CACNA2D1: variants seen among roughly 807,000 people sequenced by gnomAD.
CACNA2D1 encodes the protein voltage-dependent calcium channel subunit alpha-2/delta-1.
In CACNA2D1, 53 loss-of-function variants were observed where a neutral mutation model predicts 171.5. That is an observed-to-expected ratio of 0.31 (90% CI 0.25 to 0.39). The LOEUF (loss-of-function observed/expected upper bound fraction) is 0.39, where lower values mean the gene tolerates loss of function less well. Among genes scored for constraint, CACNA2D1 ranks in the 10% least tolerant of loss-of-function variants. The pLI, the probability that CACNA2D1 is intolerant of heterozygous loss-of-function variation, is 1.00. For synonymous variants in CACNA2D1, 442 were observed against 443.1 expected, an observed-to-expected ratio of 1.00 and a Z score of 0.03; for missense variants, 903 against 1,299.8, an observed-to-expected ratio of 0.69 and a Z score of 4.69.
intron 3 of CACNA2D1, among the ~76,000 whole-genome samples, chr7:82,332,565 A>AGAAAGAAAGAACGAAC (rs1491481168): frequency 6.7e-4 from 73 of 109,318 alleles, no homozygotes; most frequent in Middle Eastern, 0.011. Context: ...AAAGAAAGAA[A>AGAAAGAAAGAACGAAC]GAACGAACAG....
Position 82,014,450 on chromosome 7 carries a change from T to C in CACNA2D1, c.1173A>G (p.Gln391=), listed in dbSNP as rs1335302864. The C allele has an allele frequency of 1.3e-6, 2 of 1,598,574 alleles. No individual in the cohort carries two copies. Among genetic ancestry groups the C allele is most frequent in the Non-Finnish European group, 1.7e-6 (2 of 1,165,804 alleles). Residue 391 remains glutamine, a synonymous_variant, in exon 13 of 39, where the codon CAA becomes CAG. Coordinates refer to ENST00000356860, the MANE Select transcript of CACNA2D1 (RefSeq NM_000722.4). ...KVRVFTFSVG[Q]HNYDRGPIQW... is the part of the protein sequence containing the mutation. ...GAATAGGTCCTCTGTCATAATTGTG[T>C]TGACCAACTGAAAACGTGAATACAC...
At chr7:82,178,976 T>C (rs939483475) in intron 3 of CACNA2D1, among the ~76,000 whole-genome samples, 1 of 152,114 alleles carries the variant, frequency 6.6e-6, no homozygotes, top group Non-Finnish European at 1.5e-5. Flanking sequence ...TGTATCAACA[T>C]CTATAACTAG....
At chr7:82,283,487 G>A (rs146106947) in intron 3 of CACNA2D1, among the ~76,000 whole-genome samples, 3,528 of 152,228 alleles carry the variant, frequency 0.023, 72 homozygotes, top group Middle Eastern at 0.082. Context: ...CATAAATGTT[G>A]ATAGAGTTCC....
intron 3 of CACNA2D1, among the ~76,000 whole-genome samples, chr7:82,282,708 G>A (rs1042130821): frequency 1.6e-4 from 24 of 149,726 alleles, no homozygotes; most frequent in Non-Finnish European, 3.0e-4. Context: ...AAAATGTGGG[G>A]GGGGGAATCA....
At chr7:82,417,097 T>C (rs560110037) in intron 1 of CACNA2D1, among the ~76,000 whole-genome samples, 15 of 152,240 alleles carry the variant, frequency 9.9e-5, no homozygotes, top group Admixed American at 3.3e-4. Flanking sequence ...TTGATAAATA[T>C]ATAGTTTCAC....
At chr7:82,248,933 C>T (rs995999402) in intron 3 of CACNA2D1, among the ~76,000 whole-genome samples, 19 of 151,884 alleles carry the variant, frequency 1.3e-4, no homozygotes, top group African/African-American at 4.1e-4. Flanking sequence ...CTGGCTAATA[C>T]GGTGAAACCC....
At chr7:81,975,325 A>T (rs1795727880) in intron 24 of CACNA2D1, among the ~76,000 whole-genome samples, 1 of 152,160 alleles carries the variant, frequency 6.6e-6, no homozygotes, top group Non-Finnish European at 1.5e-5. Context: ...TTTTAATAAA[A>T]TATTACCATT....
At chr7:82,170,453 T>A (rs1795894602) in intron 4 of CACNA2D1, 97 bp downstream of exon 4, 1 of 979,946 alleles carries the variant, frequency 1.0e-6, no homozygotes, top group African/African-American at 1.6e-5. Context: ...CACAACATCA[T>A]AAGATTCCAT....
intron 1 of CACNA2D1, among the ~76,000 whole-genome samples, chr7:82,358,353 A>T (rs1820696299): frequency 6.6e-6 from 1 of 152,236 alleles, no homozygotes. Flanking sequence ...TTGTTTTGGT[A>T]TAAAGGGAGT....
intron 18 of CACNA2D1, among the ~76,000 whole-genome samples, chr7:81,999,292 A>C (rs1798352511): frequency 6.6e-6 from 1 of 152,194 alleles, no homozygotes; most frequent in Non-Finnish European, 1.5e-5. Context: ...CACCACGGGC[A>C]TGGTGACTAC....
chr7:82,128,091 T>C (rs1790541199), intron 5 of CACNA2D1, among the ~76,000 whole-genome samples: 1 of 147,976 alleles, frequency 6.8e-6, no homozygotes, highest in South Asian at 2.2e-4. Flanking sequence ...GCCCAGCTAA[T>C]TTTAGTTTTT....
intron 3 of CACNA2D1, among the ~76,000 whole-genome samples, chr7:82,199,439 T>C (rs1799187970): frequency 6.6e-6 from 1 of 152,234 alleles, no homozygotes; most frequent in African/African-American, 2.4e-5. Flanking sequence ...ACGTAAAAAA[T>C]GTTTTGCAGT....
intron 3 of CACNA2D1, among the ~76,000 whole-genome samples, chr7:82,264,993 G>C (rs1037238878): frequency 1.3e-5 from 2 of 152,130 alleles, no homozygotes; most frequent in African/African-American, 4.8e-5. Context: ...TCACTGCAAT[G>C]ACACATCAGG....
At chr7:82,147,378 G>A (rs1793267379) in intron 4 of CACNA2D1, among the ~76,000 whole-genome samples, 1 of 152,126 alleles carries the variant, frequency 6.6e-6, no homozygotes, top group Admixed American at 6.6e-5. Flanking sequence ...GGTAGAATAT[G>A]AGAAGGTAAA....
intron 1 of CACNA2D1, among the ~76,000 whole-genome samples, chr7:82,417,611 T>C (rs1333910762): frequency 1.3e-5 from 2 of 152,196 alleles, no homozygotes; most frequent in Non-Finnish European, 2.9e-5. Context: ...GATATCTGCA[T>C]TAAAGTAAAA....
intron 1 of CACNA2D1, among the ~76,000 whole-genome samples, chr7:82,367,318 T>C (rs1029091418): frequency 6.6e-6 from 1 of 152,156 alleles, no homozygotes; most frequent in African/African-American, 2.4e-5. Context: ...TTTTGTATGC[T>C]TGGTGGCTAG....
intron 3 of CACNA2D1, among the ~76,000 whole-genome samples, chr7:82,217,822 C>T (rs1801317130): frequency 6.6e-6 from 1 of 151,364 alleles, no homozygotes; most frequent in Non-Finnish European, 1.5e-5. Flanking sequence ...ATCATTCTGT[C>T]ACCATCATCA....
chr7:82,105,285 T>G (rs1190818804), intron 6 of CACNA2D1, among the ~76,000 whole-genome samples: 1 of 152,006 alleles, frequency 6.6e-6, no homozygotes, highest in Non-Finnish European at 1.5e-5. Flanking sequence ...ACACAAACTG[T>G]TAATAATGAA....
At chr7:82,043,506 GA>G (rs1312692522) in intron 10 of CACNA2D1, among the ~76,000 whole-genome samples, 45 of 152,254 alleles carry the variant, frequency 3.0e-4, no homozygotes, top group Middle Eastern at 6.8e-3. Context: ...TTTGGTGTTT[GA>G]AACAGTTTCT....
Sources: gnomAD v4.1 joint callset for allele counts (sites outside exome capture counted in the v4.1 genomes callset) on GRCh38, gnomAD v4.1.1 for gene constraint, MANE v1.5 for transcripts, NCBI Gene and HGNC (gene_info 2026-07-23, HGNC 2026-07-21) for gene names.